The following SLC14A2 variants were observed in gnomAD, a reference collection of about 807,000 sequenced individuals.
SLC14A2 encodes solute carrier family 14 member 2, also known as urea transporter 2.
In SLC14A2, 91 loss-of-function variants were observed where a neutral mutation model predicts 104.6. The ratio of observed to expected loss-of-function variants is 0.87; its 90% CI spans 0.73 to 1.04. The LOEUF is 1.04. Among genes scored for constraint, SLC14A2 ranks in the 50% least tolerant of loss-of-function variants. The pLI, the probability that SLC14A2 is intolerant of heterozygous loss-of-function variation, is 0.00. For missense variants in SLC14A2, 1,189 were observed against 1,156.0 expected (o/e 1.03, Z -0.41); for synonymous variants, 476 against 466.4 (o/e 1.02, Z -0.27).
chr18:45,476,462 G>C (rs571517021), intron 1 of SLC14A2, among the ~76,000 whole-genome samples: 3 of 151,952 alleles, frequency 2.0e-5, no homozygotes, highest in Non-Finnish European at 4.4e-5. Flanking sequence ...TGTTTCTTGG[G>C]GTTGCTCTTC....
At position 45,531,466 on chromosome 18, in the gene SLC14A2, T is replaced by C. The variant is rs1408640926; in HGVS notation, c.-35+48144T>C. On this transcript the variant is annotated intron_variant, in intron 2 of 20. Transcript: ENST00000586448. ...TGATGGCCAGTGATGATGAACATTT[T>C]TTCATGTGTTTTTTGGCTGCATAAA... Among the ~76,000 whole-genome samples, 4 of 152,268 alleles carry C rather than the reference T, an allele frequency of 2.6e-5. No individual in the cohort carries two copies. The East Asian group carries it at 7.7e-4, about 29-fold the overall frequency.
In SLC14A2 at chr18:45,419,299, G is replaced by A. The variant is rs1307810498; in HGVS notation, c.-124-63934G>A. Among the ~76,000 whole-genome samples, 5 of 152,146 alleles carry A rather than the reference G, an allele frequency of 3.3e-5. No individual in the cohort carries two copies. In the East Asian group the frequency reaches 9.6e-4, roughly 29 times the overall value. On this transcript the variant is annotated intron_variant, in intron 1 of 20. Coordinates refer to the SLC14A2 transcript ENST00000586448. ...GGATGATCCCCAAAGTTTCTCACAG[G>A]CCCCTTTTATTCTGCTAAGGGGTAT...
chr18:45,428,730 C>T (rs1262507034), intron 1 of SLC14A2, among the ~76,000 whole-genome samples: 1 of 152,150 alleles, frequency 6.6e-6, no homozygotes, highest in Non-Finnish European at 1.5e-5. Context: ...ATGGACCAAC[C>T]CTTGAGACTG....
At chr18:45,269,029 C>T (rs555393186) in intron 1 of SLC14A2, among the ~76,000 whole-genome samples, 1 of 149,976 alleles carries the variant, frequency 6.7e-6, no homozygotes, top group East Asian at 2.0e-4. Context: ...TAACAATGAT[C>T]ATTGACAGAA....
At chr18:45,639,951 C>T in intron 7 of SLC14A2, 58 bp downstream of exon 7, 3 of 1,475,846 alleles carry the variant, frequency 2.0e-6, no homozygotes, top group Non-Finnish European at 1.9e-6. Flanking sequence ...GGTCACTTTT[C>T]CCCTACATAC....
At chr18:45,434,077 C>T (rs558506396) in intron 1 of SLC14A2, among the ~76,000 whole-genome samples, 2 of 152,256 alleles carry the variant, frequency 1.3e-5, no homozygotes, top group South Asian at 2.1e-4. Context: ...ACCATTCCCT[C>T]GACTCCTTAT....
the SLC14A2 span, among the ~76,000 whole-genome samples, chr18:45,176,479 T>C: frequency 1.3e-5 from 2 of 152,266 alleles, no homozygotes; most frequent in South Asian, 4.1e-4. Flanking sequence ...TTGTCCAGAC[T>C]GAATTTTTTT....
chr18:45,365,754 T>C (rs1026815655), intron 1 of SLC14A2, among the ~76,000 whole-genome samples: 1 of 152,188 alleles, frequency 6.6e-6, no homozygotes, highest in Non-Finnish European at 1.5e-5. Context: ...CCAAGAGGCC[T>C]GCGTTCAAAT....
At chr18:45,632,619 C>A in intron 5 of SLC14A2, 141 bp downstream of exon 5, 1 of 835,888 alleles carries the variant, frequency 1.2e-6, no homozygotes, top group Non-Finnish European at 1.9e-6. Flanking sequence ...CCATGAAAGC[C>A]CATGAGTTCT....
the SLC14A2 span, among the ~76,000 whole-genome samples, chr18:45,184,739 A>G: frequency 6.6e-6 from 1 of 152,228 alleles, no homozygotes; most frequent in African/African-American, 2.4e-5. Context: ...AGATAATCTA[A>G]CTTTATAATG....
chr18:45,289,979 A>G (rs1283226767), intron 1 of SLC14A2, among the ~76,000 whole-genome samples: 1 of 152,210 alleles, frequency 6.6e-6, no homozygotes, highest in East Asian at 1.9e-4. Flanking sequence ...GACAGATTAA[A>G]TGAGTTATTG....
At chr18:45,240,091 CTTTTTTTTT>C (rs763802776) in intron 1 of SLC14A2, among the ~76,000 whole-genome samples, 1,147 of 89,708 alleles carry the variant, frequency 0.013, 20 homozygotes, top group African/African-American at 0.055. Context: ...GCAAATATCT[CTTTTTTTTT>C]TTTTTTTTTT....
chr18:45,436,920 C>T (rs975409426), intron 1 of SLC14A2, among the ~76,000 whole-genome samples: 4 of 152,102 alleles, frequency 2.6e-5, no homozygotes, highest in Non-Finnish European at 2.9e-5. Flanking sequence ...AACTGAGATT[C>T]AAATGTCAAA....
chr18:45,255,818 C>G (rs1379719186), intron 1 of SLC14A2, among the ~76,000 whole-genome samples: 1 of 151,650 alleles, frequency 6.6e-6, no homozygotes, highest in Non-Finnish European at 1.5e-5. Flanking sequence ...GCCCCTGCAC[C>G]CCCTGCACCC....
At chr18:45,675,271 CA>C (rs1247507069) in intron 18 of SLC14A2, among the ~76,000 whole-genome samples, 3 of 152,144 alleles carry the variant, frequency 2.0e-5, no homozygotes, top group Non-Finnish European at 4.4e-5. Flanking sequence ...TGGTTTTCAC[CA>C]AAATACTTTT....
intron 1 of SLC14A2, among the ~76,000 whole-genome samples, chr18:45,403,824 A>C (rs2086123418): frequency 6.6e-6 from 1 of 150,432 alleles, no homozygotes; most frequent in African/African-American, 2.5e-5. Context: ...TGCATCACCT[A>C]GCTCCCCTGC....
rs2046015954 is a variant in SLC14A2 at position 45,665,985 on chromosome 18, C to T, written c.1475-152C>T. Reference sequence around the variant, plus strand: ...ACCAGTAAAAGAACAAAAGAGCCTTCGAGCTGCAAGGCCCCATGATTCTGT... The same window carrying T: ...ACCAGTAAAAGAACAAAAGAGCCTTTGAGCTGCAAGGCCCCATGATTCTGT... On this transcript the variant is annotated intron_variant, in intron 11 of 19. Coordinates refer to ENST00000255226, the MANE Select transcript of SLC14A2 (RefSeq NM_007163.4). 8 of 576,718 alleles carry T rather than the reference C, an allele frequency of 1.4e-5. No individual in the cohort carries two copies. The East Asian group carries it at 1.7e-4, about 12-fold the overall frequency. The allele number at this position is 576,718 out of a possible 1,614,324, so 35.7% of individuals were successfully genotyped here.
At chr18:45,326,270 GT>G (rs1368964225) in intron 1 of SLC14A2, among the ~76,000 whole-genome samples, 1 of 152,090 alleles carries the variant, frequency 6.6e-6, no homozygotes, top group Non-Finnish European at 1.5e-5. Context: ...CTGAATGCAA[GT>G]TTTTCACAGG....
Position 45,235,310 on chromosome 18 carries a change from C to T in SLC14A2, c.-125+22119C>T, listed in dbSNP as rs774646216. 8.6e-5 allele frequency among the ~76,000 whole-genome samples: 13 copies of T among 151,990 alleles called. 1 individual carries two copies. The highest frequency in any genetic ancestry group is 1.9e-4 in the Non-Finnish European group (13 of 68,004). On this transcript the variant is annotated intron_variant, in intron 1 of 20. Transcript: ENST00000586448. ...ATTATTTTGACACACAATAATTGTG[C>T]ATATTTATGGGATCCAGTGTGATAT...
Sources: allele counts gnomAD v4.1 joint callset (sites outside exome capture counted in the v4.1 genomes callset), GRCh38; gene constraint gnomAD v4.1.1; transcripts MANE v1.5; gene names NCBI Gene and HGNC (gene_info 2026-07-23, HGNC 2026-07-21).